The following TTLL9 variants were observed in gnomAD, a reference collection of about 807,000 sequenced individuals.
TTLL9 encodes probable tubulin polyglutamylase TTLL9.
Under a neutral mutation model 65.6 loss-of-function variants are expected in TTLL9, and 47 were observed. That is an observed-to-expected ratio of 0.72 (90% CI 0.57 to 0.91). The LOEUF (loss-of-function observed/expected upper bound fraction) is 0.91, where lower values mean the gene tolerates loss of function less well. Among genes scored for constraint, TTLL9 ranks in the 40% least tolerant of loss-of-function variants. The probability of loss-of-function intolerance (pLI) is 0.00; values close to 1 mark genes in which losing one functional copy is unlikely to be tolerated. For missense variants in TTLL9, 537 were observed against 568.8 expected (o/e 0.94, Z 0.57); for synonymous variants, 179 against 204.8 (o/e 0.87, Z 1.07).
intron 6 of TTLL9, among the ~76,000 whole-genome samples, chr20:31,913,708 A>G (rs769679830): frequency 2.4e-4 from 36 of 152,236 alleles, no homozygotes; most frequent in Non-Finnish European, 3.2e-4. Context: ...CTACCAGGCC[A>G]GAGCCCCAGC....
intron 8 of TTLL9, among the ~76,000 whole-genome samples, chr20:31,924,282 C>T (rs1481612656): frequency 6.6e-6 from 1 of 152,200 alleles, no homozygotes. Context: ...CCTTCCATGG[C>T]TTCCCATGGA....
chr20:31,940,284 T>G (rs1259080270), intron 14 of TTLL9: 3 of 152,272 alleles, frequency 2.0e-5, no homozygotes, highest in African/African-American at 4.8e-5. Flanking sequence ...TTCCATTGAT[T>G]ACTGGTGAGG....
chr20:31,895,813 G>GTATGTATT (rs2063376518), intron 3 of TTLL9, among the ~76,000 whole-genome samples: 1 of 147,950 alleles, frequency 6.8e-6, no homozygotes, highest in African/African-American at 2.5e-5. Flanking sequence ...GGTTATTCAT[G>GTATGTATT]TATTTATTTA....
intron 10 of TTLL9, among the ~76,000 whole-genome samples, chr20:31,931,572 G>T (rs2064012118): frequency 1.3e-5 from 2 of 152,210 alleles, no homozygotes; most frequent in Non-Finnish European, 2.9e-5. Flanking sequence ...ACCATGCCTG[G>T]CCAATACTTG....
intron 4 of TTLL9, among the ~76,000 whole-genome samples, chr20:31,906,231 G>A (rs951164602): frequency 6.6e-6 from 1 of 152,244 alleles, no homozygotes; most frequent in African/African-American, 2.4e-5. Context: ...GGACTGGCTT[G>A]TCTCTGTGAC....
chr20:31,888,039 C>T (rs540702354), intron 3 of TTLL9, among the ~76,000 whole-genome samples: 37 of 152,126 alleles, frequency 2.4e-4, no homozygotes, highest in African/African-American at 8.9e-4. Flanking sequence ...TATGCGCCAC[C>T]GTGACCAGCT....
chr20:31,876,580 T>C (rs929881248), intron 2 of TTLL9, among the ~76,000 whole-genome samples: 5 of 152,348 alleles, frequency 3.3e-5, no homozygotes, highest in African/African-American at 1.2e-4. Flanking sequence ...ATGACCTATG[T>C]AGTGGTGTAA....
chr20:31,910,696 A>G (rs1421663394), intron 6 of TTLL9, among the ~76,000 whole-genome samples: 2 of 152,252 alleles, frequency 1.3e-5, no homozygotes, highest in African/African-American at 4.8e-5. Context: ...TAACACAGGT[A>G]AAGCACATAG....
intron 4 of TTLL9, among the ~76,000 whole-genome samples, chr20:31,900,805 G>A (rs1277483739): frequency 6.6e-6 from 1 of 152,126 alleles, no homozygotes; most frequent in East Asian, 1.9e-4. Flanking sequence ...GTAGGGGAGA[G>A]AGAGCAATGT....
intron 2 of TTLL9, chr20:31,880,007 G>GA: frequency 1.7e-6 from 1 of 593,462 alleles, no homozygotes. Context: ...GAATGGGTAG[G>GA]GGTGGGGCGG....
intron 2 of TTLL9, chr20:31,879,837 G>A: frequency 1.3e-6 from 2 of 1,549,802 alleles, no homozygotes; most frequent in East Asian, 2.4e-5. Context: ...ATAAGCACGC[G>A]AGGCGCGCGG....
intron 4 of TTLL9, among the ~76,000 whole-genome samples, chr20:31,905,585 G>A (rs976487935): frequency 6.6e-5 from 10 of 152,068 alleles, no homozygotes; most frequent in Non-Finnish European, 1.2e-4. Context: ...ATCTGTGCAC[G>A]GTGTGTGCAC....
chr20:31,877,966 T>G (rs6058478), intron 2 of TTLL9, among the ~76,000 whole-genome samples: 17,701 of 152,186 alleles, frequency 0.12, 1,671 homozygotes, highest in African/African-American at 0.26. Flanking sequence ...GAATATAAAC[T>G]CTATTAGGGA....
At chr20:31,889,715 C>T (rs1012108616) in intron 3 of TTLL9, among the ~76,000 whole-genome samples, 5 of 149,946 alleles carry the variant, frequency 3.3e-5, no homozygotes, top group South Asian at 2.1e-4. Context: ...CCACGGTGCC[C>T]GGCCTAGCTA....
At chr20:31,919,974 G>T (rs1423690966) in intron 7 of TTLL9, 42 bp downstream of exon 7, 4 of 1,488,822 alleles carry the variant, frequency 2.7e-6, no homozygotes, top group East Asian at 5.2e-5. Context: ...ACCCTCCTCT[G>T]ACCTTGCCAG....
chr20:31,919,779 A>T lies in TTLL9; in HGVS notation c.505-85A>T. 4.5e-6 allele frequency: 5 copies of T among 1,112,746 alleles called. No individual in the cohort carries two copies. In the South Asian group the frequency reaches 8.4e-5, roughly 19 times the overall value. 68.9% of individuals were successfully genotyped at this position (1,112,746 alleles called of 1,614,324 possible). A position where few individuals can be genotyped will look rare whatever the true frequency, so the allele number is the denominator to read the frequency against. ...GGTTCATAAGGAAAAAGAGACAGATATGCTGGGGAGAGCCCCCAGCCACGG... is the reference window on the plus strand; with the variant it reads ...GGTTCATAAGGAAAAAGAGACAGATTTGCTGGGGAGAGCCCCCAGCCACGG... On this transcript the variant is annotated intron_variant, in intron 6 of 14. Transcript: ENST00000535842.
At chr20:31,926,528 G>A (rs1191932628) in intron 10 of TTLL9, among the ~76,000 whole-genome samples, 1 of 152,188 alleles carries the variant, frequency 6.6e-6, no homozygotes, top group Non-Finnish European at 1.5e-5. Flanking sequence ...CTGTGACCCA[G>A]CAATTCCTCT....
intron 2 of TTLL9, among the ~76,000 whole-genome samples, chr20:31,877,301 G>A (rs2063050015): frequency 6.6e-6 from 1 of 152,188 alleles, no homozygotes; most frequent in African/African-American, 2.4e-5. Flanking sequence ...ACCACACCCA[G>A]CTAATTTTTG....
intron 6 of TTLL9, among the ~76,000 whole-genome samples, chr20:31,915,176 C>T (rs1288713641): frequency 1.3e-5 from 2 of 152,138 alleles, no homozygotes; most frequent in South Asian, 2.1e-4. Flanking sequence ...TGTTGCATTC[C>T]TAATAGAAAG....
Sources: allele counts gnomAD v4.1 joint callset (sites outside exome capture counted in the v4.1 genomes callset), GRCh38; gene constraint gnomAD v4.1.1; transcripts MANE v1.5; gene names NCBI Gene and HGNC (gene_info 2026-07-23, HGNC 2026-07-21).